The following FANCI variants were observed in gnomAD, a reference collection of about 807,000 sequenced individuals.
FANCI encodes the protein Fanconi anemia group I protein.
In FANCI, 156 loss-of-function variants were observed where a neutral mutation model predicts 176.1. The ratio of observed to expected loss-of-function variants is 0.89; its 90% CI spans 0.78 to 1.01. FANCI has a LOEUF of 1.01. Among genes scored for constraint, FANCI ranks in the 50% least tolerant of loss-of-function variants. The pLI is 0.00. For synonymous variants in FANCI, 613 were observed against 541.7 expected (o/e 1.13, Z -1.83); for missense variants, 1,678 against 1,534.1 (o/e 1.09, Z -1.57).
chr15:89,295,791 T>C (rs966422352), intron 24 of FANCI, among the ~76,000 whole-genome samples: 1 of 149,138 alleles, frequency 6.7e-6, no homozygotes, highest in Admixed American at 6.7e-5. Flanking sequence ...TTTGGCTTTT[T>C]TTGAGAGAGT....
rs538552262 is a variant in FANCI at position 89,288,706 on chromosome 15, G to A, written c.1822-1507G>A. On this transcript the variant is annotated intron_variant, in intron 18 of 37. Transcript: ENST00000310775. The stretch of plus-strand genomic sequence containing the variant: ...GCAGTCTAACTCACTGCAGCCTCCA[G>A]CTCCTAGGCTCAAATAATCCTCTTG... Among the ~76,000 whole-genome samples the A allele has an allele frequency of 5.3e-5, 8 of 150,678 alleles. 1 individual carries two copies. The South Asian group carries it at 1.7e-3, about 31-fold the overall frequency.
chr15:89,269,998 G>C (rs1202426615), intron 10 of FANCI, among the ~76,000 whole-genome samples: 2 of 152,082 alleles, frequency 1.3e-5, no homozygotes, highest in Admixed American at 6.5e-5. Flanking sequence ...TTTAATAGAG[G>C]TGGGGTTTCG....
In FANCI at chr15:89,272,515, G is replaced by T. The variant is rs2053237982; in HGVS notation, c.883-862G>T. Among the ~76,000 whole-genome samples the T allele has an allele frequency of 2.6e-5, 4 of 151,866 alleles. No individual in the cohort carries two copies. In the South Asian group the frequency reaches 8.3e-4, roughly 31 times the overall value. ...AGGTCCAGTTTATCAATTTTTTCTT[G>T]TAGAAATTATGCTTTTGGTATTGTA... On this transcript the variant is annotated intron_variant, in intron 10 of 37. Coordinates refer to ENST00000310775, the MANE Select transcript of FANCI (RefSeq NM_001113378.2).
chr15:89,314,536 TGTAA>T (rs2055123472), intron 35 of FANCI, 72 bp from the exon 36 acceptor site: 11 of 1,077,252 alleles, frequency 1.0e-5, no homozygotes, highest in South Asian at 5.0e-5. Context: ...CATACAGTTT[TGTAA>T]GTGACAGCTT....
chr15:89,298,122 A>C (rs1368261858), intron 24 of FANCI, among the ~76,000 whole-genome samples: 5 of 152,188 alleles, frequency 3.3e-5, no homozygotes, highest in African/African-American at 9.6e-5. Flanking sequence ...ATCTACTGAA[A>C]GGAGGTAGAA....
intron 14 of FANCI, among the ~76,000 whole-genome samples, chr15:89,279,244 G>A (rs1380956113): frequency 6.6e-6 from 1 of 152,142 alleles, no homozygotes; most frequent in Admixed American, 6.5e-5. Context: ...TGCAACCTCT[G>A]CCTCCTGGGT....
At chr15:89,261,936 AC>A in intron 6 of FANCI, 58 bp downstream of exon 6, 1 of 1,512,976 alleles carries the variant, frequency 6.6e-7, no homozygotes, top group Non-Finnish European at 9.1e-7. Context: ...AAAAAAAACC[AC>A]TTTATTTCAG....
In FANCI at chr15:89,307,608, T is replaced by C; in HGVS notation, c.3592-5T>C. Reference sequence around the variant, plus strand: ...ACATTGGTTTCCTTCTCCCTTGTTGTGCAGGTGAAGCTGTCTGGTTCTCAT... The same window carrying C: ...ACATTGGTTTCCTTCTCCCTTGTTGCGCAGGTGAAGCTGTCTGGTTCTCAT... On this transcript the variant is annotated splice_polypyrimidine_tract_variant and splice_region_variant and intron_variant, in intron 33 of 37. Transcript: ENST00000310775. The C allele has an allele frequency of 1.9e-6, 3 of 1,614,218 alleles. No individual in the cohort carries two copies. The highest frequency in any genetic ancestry group is 2.5e-6 in the Non-Finnish European group (3 of 1,180,038).
intron 2 of FANCI, among the ~76,000 whole-genome samples, chr15:89,250,347 T>C (rs1596213496): frequency 6.6e-6 from 1 of 152,146 alleles, no homozygotes; most frequent in East Asian, 1.9e-4. Flanking sequence ...ATCTACACCA[T>C]GGAATACTAT....
chr15:89,312,254 TC>T, intron 34 of FANCI, among the ~76,000 whole-genome samples: 1 of 152,314 alleles, frequency 6.6e-6, no homozygotes, highest in East Asian at 1.9e-4. Flanking sequence ...AAATGAATAT[TC>T]CTGCTACCAC....
At chr15:89,317,213 A>G (rs1230974244), downstream of FANCI, 1 of 671,572 alleles carries the variant, frequency 1.5e-6, no homozygotes, top group Non-Finnish European at 2.7e-6. Context: ...ATCATATCAC[A>G]TTCACTCTGG....
At chr15:89,273,511 T>TAAAAAA in intron 11 of FANCI, 42 bp downstream of exon 11, 2 of 476,340 alleles carry the variant, frequency 4.2e-6, no homozygotes, top group African/African-American at 6.0e-5. Flanking sequence ...CTGTAGTTGG[T>TAAAAAA]AAAAAAAAAA....
Position 89,261,669 on chromosome 15 carries a change from A to G in FANCI, c.373A>G (p.Lys125Glu), listed in dbSNP as rs781673183. The change falls in exon 5 of 38, where the codon AAA becomes GAA. Residue 125 changes from lysine (K) to glutamate (E), a missense_variant. Around this residue, in one of 3 missense-constraint regions of FANCI, gnomAD observed 469 missense variants for 436.9 expected, o/e 1.07. Transcript: ENST00000310775. ...AVREGSLVNG[K>E]SLELLPIILT... The stretch of plus-strand genomic sequence containing the variant: ...CAGAGAAGGCAGCCTAGTGAATGGA[A>G]AATCTTTGGAGTTACTACCTATCAT... 1 of 1,614,020 alleles carries G rather than the reference A, an allele frequency of 6.2e-7. No individual in the cohort carries two copies. Among genetic ancestry groups the G allele is most frequent in the African/African-American group, 1.3e-5 (1 of 74,918 alleles).
chr15:89,292,912 G>A, intron 21 of FANCI, 30 bp from the exon 22 acceptor site: 1 of 1,614,068 alleles, frequency 6.2e-7, no homozygotes, highest in Admixed American at 1.7e-5. Flanking sequence ...TTCTTTAGTA[G>A]CTTGTTAATT....
At position 89,293,119 on chromosome 15, in the gene FANCI, A is replaced by C. The variant is rs190527204; in HGVS notation, c.2291+56A>C. On this transcript the variant is annotated intron_variant, in intron 22 of 37. Transcript: ENST00000310775. ...TTGATGAATTCTCCATTTTATTTACATATTTTTACTGTAGCAGTATTCTAG... is the reference window on the plus strand; with the variant it reads ...TTGATGAATTCTCCATTTTATTTACCTATTTTTACTGTAGCAGTATTCTAG... 8 of 1,585,410 alleles carry C rather than the reference A, an allele frequency of 5.0e-6. No individual in the cohort carries two copies. The Middle Eastern group carries it at 9.0e-4, about 179-fold the overall frequency.
chr15:89,283,370 CTGATGATGATGATGGTGCTGA>C, intron 17 of FANCI, 120 bp downstream of exon 17: 1 of 1,447,838 alleles, frequency 6.9e-7, no homozygotes, highest in East Asian at 2.3e-5. Context: ...ACTAAAGAGT[CTGATGATGATGATGGTGCTGA>C]TGATGATGAT....
intron 36 of FANCI, 53 bp downstream of exon 36, chr15:89,314,760 C>G (rs2055137550): frequency 3.0e-6 from 4 of 1,343,948 alleles, no homozygotes; most frequent in East Asian, 4.6e-5. Flanking sequence ...CTTGACAGAT[C>G]TGGCAAACTG....
intron 2 of FANCI, among the ~76,000 whole-genome samples, chr15:89,258,125 T>G (rs1216720685): frequency 6.6e-6 from 1 of 152,196 alleles, no homozygotes; most frequent in Non-Finnish European, 1.5e-5. Context: ...CTTTGCTGCT[T>G]CTTGGACATT....
chr15:89,260,688 T>C, intron 3 of FANCI, 25 bp from the exon 4 acceptor site: 1 of 1,612,388 alleles, frequency 6.2e-7, no homozygotes, highest in East Asian at 2.2e-5. Flanking sequence ...GACTTGTTTC[T>C]GAACCCCCTG....
Sources: allele counts gnomAD v4.1 joint callset (sites outside exome capture counted in the v4.1 genomes callset), GRCh38; gene constraint gnomAD v4.1.1; regional missense constraint gnomAD v4.1.1; transcripts MANE v1.5; gene names NCBI Gene and HGNC (gene_info 2026-07-23, HGNC 2026-07-21).